The following LSG1 variants were observed in gnomAD, a reference collection of about 807,000 sequenced individuals.
LSG1 encodes large subunit GTPase 1 homolog.
Under a neutral mutation model 82.6 loss-of-function variants are expected in LSG1, and 55 were observed. The observed-to-expected ratio is 0.67, with a 90% CI of 0.54 to 0.83. LSG1 has a LOEUF of 0.83. Ranked by LOEUF, LSG1 falls within the 40% of genes least tolerant of loss-of-function variation. The pLI is 0.00. For synonymous variants in LSG1, 272 were observed against 282.5 expected, an observed-to-expected ratio of 0.96 and a Z score of 0.37; for missense variants, 809 against 807.9, an observed-to-expected ratio of 1.00 and a Z score of -0.02.
intron 5 of LSG1, among the ~76,000 whole-genome samples, chr3:194,664,248 G>A (rs1718989063): frequency 1.3e-5 from 2 of 152,038 alleles, no homozygotes; most frequent in Admixed American, 6.6e-5. Context: ...CCACCGCGCT[G>A]GGCCCTGTTT....
intron 10 of LSG1, 155 bp from the exon 11 acceptor site, chr3:194,648,959 T>G: frequency 1.4e-6 from 1 of 692,912 alleles, no homozygotes; most frequent in Non-Finnish European, 2.3e-6. Context: ...CTAAAAAGAC[T>G]CAGTTGTTTT....
chr3:194,672,177 T>C lies in LSG1; in HGVS notation c.-15A>G, dbSNP rs768702750. 8.9e-6 allele frequency: 14 copies of C among 1,577,604 alleles called. No homozygotes were observed. Among genetic ancestry groups the C allele is most frequent in the Non-Finnish European group, 1.0e-5 (12 of 1,160,340 alleles). ...CTCCGGCCCATGGCAACACGACCGC[T>C]GGACGAAGCTTCCCGGCTCGGCGCG... is the stretch of plus-strand genomic sequence containing the variant. On this transcript the variant is annotated 5_prime_UTR_variant, in exon 1 of 14. Transcript: ENST00000265245.
At chr3:194,669,469 G>GC (rs1005451122) in intron 2 of LSG1, among the ~76,000 whole-genome samples, 4 of 152,216 alleles carry the variant, frequency 2.6e-5, no homozygotes, top group Admixed American at 2.0e-4. Flanking sequence ...TCTGGCCCTT[G>GC]CCCACCTCCT....
rs1455639250 is a variant in LSG1, at chr3:194,652,190, C to T, written c.1173+539G>A. ...CATCTAGAGCCATGTCGTAGCCCCT[C>T]GGGGTTTGCGCACTTCCGCAGCCAC... On this transcript the variant is annotated intron_variant, in intron 8 of 13. Transcript: ENST00000265245. Among the ~76,000 whole-genome samples the T allele has an allele frequency of 3.9e-5, 6 of 152,256 alleles. No homozygotes were observed. The South Asian group carries it at 8.3e-4, about 21-fold the overall frequency.
intron 5 of LSG1, chr3:194,660,764 G>A (rs1718909296): frequency 4.8e-6 from 2 of 416,754 alleles, no homozygotes; most frequent in Non-Finnish European, 9.7e-6. Context: ...GCTGAAGCAG[G>A]AATGGCAAGT....
Position 194,642,063 on chromosome 3 carries a change from C to T in LSG1, c.*5G>A, listed in dbSNP as rs1718404751. The T allele has an allele frequency of 6.2e-7, 1 of 1,611,488 alleles. No homozygotes were observed. ...TGCAGATGACATTTCTGTTGCAGCC[C>T]AACCTCACATATCCAGGTGCTTGTA... On this transcript the variant is annotated 3_prime_UTR_variant, in exon 14 of 14. Coordinates refer to ENST00000265245, the MANE Select transcript of LSG1 (RefSeq NM_018385.3).
chr3:194,659,991 G>T, intron 6 of LSG1, 82 bp downstream of exon 6: 2 of 1,195,678 alleles, frequency 1.7e-6, no homozygotes, highest in Non-Finnish European at 2.5e-6. Context: ...CAGAATGTAT[G>T]CCTACAGTCA....
intron 11 of LSG1, among the ~76,000 whole-genome samples, chr3:194,648,149 A>G (rs1359272764): frequency 6.6e-6 from 1 of 151,122 alleles, no homozygotes; most frequent in African/African-American, 2.4e-5. Flanking sequence ...ATTTAAGGCA[A>G]GAAATCATAG....
intron 3 of LSG1, 81 bp from the exon 4 acceptor site, chr3:194,666,370 C>T: frequency 1.9e-6 from 3 of 1,598,460 alleles, no homozygotes; most frequent in Non-Finnish European, 2.6e-6. Flanking sequence ...ATAATGGCAG[C>T]TGAGAAAAAG....
At chr3:194,667,942 A>AAAAAAAAAAAAAAAATATATAT (rs1416407494) in intron 2 of LSG1, among the ~76,000 whole-genome samples, 1 of 86,962 alleles carries the variant, frequency 1.1e-5, no homozygotes, top group African/African-American at 4.8e-5. Context: ...AAAAAAAAAA[A>AAAAAAAAAAAAAAAATATATAT]ATATATATAT....
At chr3:194,671,943 C>T in intron 1 of LSG1, 121 bp downstream of exon 1, 1 of 866,492 alleles carries the variant, frequency 1.2e-6, no homozygotes, top group South Asian at 1.4e-5. Context: ...GAAACTCCAA[C>T]TCATCCTTCA....
Position 194,646,210 on chromosome 3 carries a change from G to A in LSG1, c.1577C>T (p.Pro526Leu). 6.2e-7 allele frequency: 1 copy of A among 1,614,102 alleles called. No individual in the cohort carries two copies. The highest frequency in any genetic ancestry group is 8.5e-7 in the Non-Finnish European group (1 of 1,179,976). Residue 526 changes from proline to leucine, a missense_variant, in exon 12 of 14, where the codon CCA (proline) becomes CTA (leucine). Pro to Leu is a moderately conservative substitution (Grantham distance 98, BLOSUM62 -3). Coordinates refer to ENST00000265245, the MANE Select transcript of LSG1 (RefSeq NM_018385.3). ...GTAGCGCGCAGATCGAGGCTGGTCT[G>A]GCTGTCCATGCGCTGTCATGAATCC... ...MRGFMTAHGQ[P>L]DQPRSARYIL... is the part of the protein sequence containing the mutation.
chr3:194,643,023 G>A (rs116763369), intron 13 of LSG1, among the ~76,000 whole-genome samples: 1,853 of 152,256 alleles, frequency 0.012, 18 homozygotes, highest in Non-Finnish European at 0.017. Context: ...GATAAAGCAC[G>A]GGATAAATAC....
intron 7 of LSG1, among the ~76,000 whole-genome samples, chr3:194,657,474 T>G (rs901203899): frequency 5.1e-5 from 7 of 138,434 alleles, no homozygotes; most frequent in Non-Finnish European, 8.1e-5. Flanking sequence ...TTTTTTTTTT[T>G]TTTGATATTT....
intron 1 of LSG1, among the ~76,000 whole-genome samples, chr3:194,671,423 A>C (rs898820): frequency 0.66 from 100,647 of 152,056 alleles, 33,948 homozygotes; most frequent in East Asian, 0.87. Context: ...GACATATTTA[A>C]CTAAATTTAG....
intron 1 of LSG1, 112 bp from the exon 2 acceptor site, chr3:194,670,247 C>A: frequency 1.9e-6 from 2 of 1,065,984 alleles, no homozygotes; most frequent in Non-Finnish European, 2.8e-6. Flanking sequence ...GTTGTAGTCC[C>A]TTTAGAATCA....
chr3:194,648,458 C>T (rs967845534), intron 11 of LSG1, among the ~76,000 whole-genome samples: 2 of 152,110 alleles, frequency 1.3e-5, no homozygotes, highest in Non-Finnish European at 2.9e-5. Context: ...CTGTGCTGCA[C>T]GTGGGTACCA....
intron 8 of LSG1, among the ~76,000 whole-genome samples, chr3:194,651,938 T>C (rs1718682438): frequency 1.3e-5 from 2 of 152,168 alleles, no homozygotes; most frequent in Non-Finnish European, 2.9e-5. Flanking sequence ...TAAAATAAGA[T>C]GCTAATCTAC....
At chr3:194,650,190 G>T (rs1483042481) in intron 10 of LSG1, among the ~76,000 whole-genome samples, 1 of 152,184 alleles carries the variant, frequency 6.6e-6, no homozygotes, top group Non-Finnish European at 1.5e-5. Flanking sequence ...AAGTGTTGGG[G>T]TTACAGGCAT....
Sources: allele counts gnomAD v4.1 joint callset (sites outside exome capture counted in the v4.1 genomes callset), GRCh38; gene constraint gnomAD v4.1.1; transcripts MANE v1.5; gene names NCBI Gene and HGNC (gene_info 2026-07-23, HGNC 2026-07-21).